Variants in KIAA0319L observed in about 807,000 individuals in gnomAD.
KIAA0319L encodes dyslexia-associated protein KIAA0319-like protein.
Under a neutral mutation model 120.1 loss-of-function variants are expected in KIAA0319L, and 55 were observed. The observed-to-expected ratio is 0.46, with a 90% CI of 0.37 to 0.57. The LOEUF (loss-of-function observed/expected upper bound fraction) is 0.57. KIAA0319L is among the 20% of genes least tolerant of loss of function. KIAA0319L has a pLI of 0.00. For missense variants in KIAA0319L, 1,049 were observed against 1,255.3 expected (o/e 0.84, Z 2.48); for synonymous variants, 398 against 471.9 (o/e 0.84, Z 2.03).
chr1:35,436,950 G>A (rs1259692255), intron 20 of KIAA0319L, among the ~76,000 whole-genome samples: 3 of 151,910 alleles, frequency 2.0e-5, no homozygotes, highest in Non-Finnish European at 2.9e-5. Flanking sequence ...CATTCTCCTC[G>A]TCCTCCTAGT....
intron 2 of KIAA0319L, among the ~76,000 whole-genome samples, chr1:35,513,288 A>ATATATATATATATATTTTT (rs1414704674): frequency 1.2e-5 from 1 of 85,338 alleles, no homozygotes; most frequent in African/African-American, 4.3e-5. Flanking sequence ...ATATATATAT[A>ATATATATATATATATTTTT]TTTTTTTTTT....
rs1640644806 is a variant in KIAA0319L at position 35,434,626 on chromosome 1, G to A, written c.*268C>T. Reference sequence around the variant, plus strand: ...GCTGGCTGGGTCTGCCCTCGGGGGAGGGGAGGAGTTTGCAAAAAAAGGAGG... The same window carrying A: ...GCTGGCTGGGTCTGCCCTCGGGGGAAGGGAGGAGTTTGCAAAAAAAGGAGG... On this transcript the variant is annotated 3_prime_UTR_variant, in exon 21 of 21. Transcript: ENST00000325722. 1 of 442,570 alleles carries A rather than the reference G, an allele frequency of 2.3e-6. No homozygotes were observed. The highest frequency in any genetic ancestry group is 3.9e-5 in the Admixed American group (1 of 25,912). The allele number at this position is 442,570 out of a possible 1,614,324, so 27.4% of individuals were successfully genotyped here. A position where few individuals can be genotyped will look rare whatever the true frequency, so the allele number is the denominator to read the frequency against.
chr1:35,543,526 A>G (rs780604979), intron 2 of KIAA0319L, among the ~76,000 whole-genome samples: 3 of 152,222 alleles, frequency 2.0e-5, no homozygotes, highest in Non-Finnish European at 2.9e-5. Context: ...TTTTCCCCTG[A>G]AGATTAAGAC....
chr1:35,484,833 T>C, intron 3 of KIAA0319L, among the ~76,000 whole-genome samples: 1 of 141,478 alleles, frequency 7.1e-6, no homozygotes, highest in Non-Finnish European at 1.5e-5. Flanking sequence ...ACTCTAAGTT[T>C]TAGGGTACAT....
intron 2 of KIAA0319L, among the ~76,000 whole-genome samples, chr1:35,546,666 T>C (rs1429995331): frequency 6.6e-6 from 1 of 152,222 alleles, no homozygotes; most frequent in African/African-American, 2.4e-5. Flanking sequence ...TCCAGTTGTT[T>C]CTCTAGTCCT....
rs540335585 is a variant in KIAA0319L at position 35,514,629 on chromosome 1, C to A, written c.143-7494G>T. Among the ~76,000 whole-genome samples, 169 of 152,026 alleles carry A rather than the reference C, an allele frequency of 1.1e-3. 1 individual carries two copies. The highest frequency in any genetic ancestry group is 3.8e-3 in the African/African-American group (159 of 41,376). The stretch of plus-strand genomic sequence containing the variant: ...AAACAGATTTTAAACCAACAAAGAT[C>A]AAAAAAGACAAAGAAAGGCATTACA... On this transcript the variant is annotated intron_variant, in intron 2 of 20. Transcript: ENST00000325722.
intron 12 of KIAA0319L, among the ~76,000 whole-genome samples, chr1:35,452,357 C>T (rs1642125158): frequency 1.3e-5 from 2 of 152,320 alleles, no homozygotes; most frequent in South Asian, 4.1e-4. Context: ...CTTCTTCCCC[C>T]TTGTGGCCTC....
chr1:35,436,622 T>C (rs1041902224), intron 20 of KIAA0319L, among the ~76,000 whole-genome samples: 2 of 152,042 alleles, frequency 1.3e-5, no homozygotes, highest in Non-Finnish European at 2.9e-5. Context: ...CCTAATATAC[T>C]TCAATAGAAA....
At chr1:35,443,312 T>G in intron 17 of KIAA0319L, 1 of 354,156 alleles carries the variant, frequency 2.8e-6, no homozygotes, top group Non-Finnish European at 5.2e-6. Flanking sequence ...TTCTCACAAT[T>G]GGAAAAATAA....
chr1:35,508,506 A>G (rs1645294774), intron 2 of KIAA0319L, among the ~76,000 whole-genome samples: 1 of 152,170 alleles, frequency 6.6e-6, no homozygotes, highest in South Asian at 2.1e-4. Flanking sequence ...CTTCTAGAGT[A>G]TTGAGTCAGG....
intron 2 of KIAA0319L, among the ~76,000 whole-genome samples, chr1:35,532,240 C>CA (rs542083819): frequency 3.8e-3 from 378 of 98,338 alleles, no homozygotes; most frequent in South Asian, 6.9e-3. Context: ...GACTCCGTCT[C>CA]AAAAAAAAAA....
At chr1:35,524,240 C>G (rs1265008273) in intron 2 of KIAA0319L, among the ~76,000 whole-genome samples, 1 of 152,154 alleles carries the variant, frequency 6.6e-6, no homozygotes, top group African/African-American at 2.4e-5. Flanking sequence ...TTGCTAGCAG[C>G]TCTGGTAAAA....
Position 35,433,613 on chromosome 1 carries a change from T to C in KIAA0319L, c.*1281A>G, listed in dbSNP as rs886811241. On this transcript the variant is annotated 3_prime_UTR_variant, in exon 21 of 21. Coordinates refer to ENST00000325722, the MANE Select transcript of KIAA0319L (RefSeq NM_024874.5). ...CCATTCCCCAATACCCAGATAACCA[T>C]GGTGGAACAGGGCCAGGGTGAGGGG... The C allele has an allele frequency of 6.6e-6, 1 of 152,228 alleles. No individual in the cohort carries two copies. The highest frequency in any genetic ancestry group is 6.5e-5 in the Admixed American group (1 of 15,274). The allele number at this position is 152,228 out of a possible 1,614,324, so 9.4% of individuals were successfully genotyped here.
intron 5 of KIAA0319L, 137 bp downstream of exon 5, chr1:35,474,668 G>A: frequency 1.8e-6 from 1 of 566,672 alleles, no homozygotes; most frequent in Non-Finnish European, 3.1e-6. Flanking sequence ...GTGTATGCCA[G>A]TAGTTCCAGC....
chr1:35,460,004 G>T (rs968551071), intron 9 of KIAA0319L, among the ~76,000 whole-genome samples: 2 of 152,172 alleles, frequency 1.3e-5, no homozygotes, highest in Non-Finnish European at 2.9e-5. Flanking sequence ...AGGAAGATGG[G>T]CCTTTTCATT....
At chr1:35,524,155 G>C (rs531334326) in intron 2 of KIAA0319L, among the ~76,000 whole-genome samples, 10 of 152,218 alleles carry the variant, frequency 6.6e-5, no homozygotes, top group Admixed American at 4.6e-4. Flanking sequence ...ATTTAGACTC[G>C]GGGAAATAGT....
At position 35,531,076 on chromosome 1, in the gene KIAA0319L, G is replaced by A. The variant is rs532898607; in HGVS notation, c.142+23274C>T. On this transcript the variant is annotated intron_variant, in intron 2 of 20. Coordinates refer to ENST00000325722, the MANE Select transcript of KIAA0319L (RefSeq NM_024874.5). ...CCCAGGCAGGTAGGTTTCAGGCTCT[G>A]GGGAGCATAAGCTTCAGCTTCTGGC... 2.6e-5 allele frequency among the ~76,000 whole-genome samples: 4 copies of A among 152,332 alleles called. No homozygotes were observed. In the South Asian group the frequency reaches 6.2e-4, roughly 24 times the overall value.
intron 3 of KIAA0319L, among the ~76,000 whole-genome samples, chr1:35,481,396 C>T (rs1644157217): frequency 6.6e-6 from 1 of 152,120 alleles, no homozygotes; most frequent in African/African-American, 2.4e-5. Context: ...TATATTTCTA[C>T]CAGCAACATA....
chr1:35,546,703 T>C (rs912103976), intron 2 of KIAA0319L, among the ~76,000 whole-genome samples: 10 of 152,212 alleles, frequency 6.6e-5, no homozygotes, highest in Admixed American at 2.0e-4. Context: ...AGTTTGTCCA[T>C]CTATAAACTG....
Sources: gnomAD v4.1 joint callset for allele counts (sites outside exome capture counted in the v4.1 genomes callset) on GRCh38, gnomAD v4.1.1 for gene constraint, MANE v1.5 for transcripts, NCBI Gene and HGNC (gene_info 2026-07-23, HGNC 2026-07-21) for gene names.